Variants in SNX6 observed in about 807,000 individuals in gnomAD.
SNX6 encodes the protein sorting nexin-6.
SNX6 carries 34 observed loss-of-function variants against 63.0 expected under a neutral mutation model. The observed-to-expected ratio is 0.54, with a 90% CI of 0.41 to 0.72. SNX6 has a LOEUF of 0.72. Ranked by LOEUF, SNX6 falls within the 30% of genes least tolerant of loss-of-function variation. SNX6 has a pLI of 0.00. For missense variants in SNX6, 398 were observed against 471.4 expected (o/e 0.84, Z 1.44); for synonymous variants, 170 against 164.2 (o/e 1.04, Z -0.27).
intron 12 of SNX6, 31 bp from the exon 13 acceptor site, chr14:34,567,802 T>C (rs11156848): frequency 0.37 from 593,899 of 1,611,418 alleles, 115,432 homozygotes; most frequent in Non-Finnish European, 0.41. Context: ...TTATTTAATT[T>C]ACATAATAGT....
chr14:34,569,109 T>G (rs1191072733), intron 11 of SNX6: 1 of 933,196 alleles, frequency 1.1e-6, no homozygotes, highest in Non-Finnish European at 1.8e-6. Context: ...GGTTCACATC[T>G]TTTACAGTAA....
At chr14:34,624,272 T>C (rs1883739811) in intron 2 of SNX6, among the ~76,000 whole-genome samples, 2 of 152,226 alleles carry the variant, frequency 1.3e-5, no homozygotes, top group African/African-American at 2.4e-5. Flanking sequence ...GGCTAATTTT[T>C]GTATTTTTAG....
At chr14:34,606,685 C>G (rs1883033951) in intron 4 of SNX6, among the ~76,000 whole-genome samples, 1 of 152,088 alleles carries the variant, frequency 6.6e-6, no homozygotes, top group Non-Finnish European at 1.5e-5. Context: ...CTCCTGACCT[C>G]AGATGATCCA....
intron 13 of SNX6, among the ~76,000 whole-genome samples, chr14:34,565,593 G>A (rs1289005163): frequency 6.7e-6 from 1 of 149,520 alleles, no homozygotes; most frequent in African/African-American, 2.5e-5. Flanking sequence ...CTTGGCTCAC[G>A]GCAACCTCCG....
At chr14:34,582,134 T>TC (rs1881964650) in intron 9 of SNX6, among the ~76,000 whole-genome samples, 1 of 148,068 alleles carries the variant, frequency 6.8e-6, no homozygotes, top group Non-Finnish European at 1.5e-5. Flanking sequence ...GCCCTGATTT[T>TC]TTTTTTTTTT....
chr14:34,608,150 T>C lies in SNX6; in HGVS notation c.160-10A>G, dbSNP rs546295977. 1.2e-5 allele frequency: 18 copies of C among 1,486,500 alleles called. 1 individual carries two copies. Among genetic ancestry groups the C allele is most frequent in the East Asian group, 1.1e-4 (5 of 43,706 alleles). The allele number at this position is 1,486,500 out of a possible 1,614,324, so 92.1% of individuals were successfully genotyped here. ...AATTTGGCAATGAACTCTGTAAAGATAGAGATTTTCTTGAATAAAAATCAA... is the reference window on the plus strand; with the variant it reads ...AATTTGGCAATGAACTCTGTAAAGACAGAGATTTTCTTGAATAAAAATCAA... On this transcript the variant is annotated splice_polypyrimidine_tract_variant and intron_variant, in intron 3 of 13. Transcript: ENST00000362031.
intron 2 of SNX6, among the ~76,000 whole-genome samples, chr14:34,613,454 T>C (rs143437545): frequency 2.9e-4 from 44 of 152,324 alleles, no homozygotes; most frequent in African/African-American, 9.6e-4. Context: ...TAGTCTAGCA[T>C]TTCCAAAACA....
chr14:34,570,029 C>T (rs12884997), intron 11 of SNX6, among the ~76,000 whole-genome samples: 57,136 of 151,784 alleles, frequency 0.38, 12,576 homozygotes, highest in East Asian at 0.74. Flanking sequence ...TTGTCACTCA[C>T]ATCCTTGCCA....
At chr14:34,581,905 T>C (rs1314051052) in intron 9 of SNX6, among the ~76,000 whole-genome samples, 6 of 152,136 alleles carry the variant, frequency 3.9e-5, no homozygotes, top group Non-Finnish European at 8.8e-5. Flanking sequence ...CTCAGCTCAC[T>C]GTAACCTCTG....
Position 34,567,861 on chromosome 14 carries a change from T to C in SNX6, c.1074A>G (p.Ala358=), listed in dbSNP as rs1269575239. The change falls in exon 12 of 14, where the codon GCA becomes GCG. Residue 358 remains alanine, a synonymous_variant. Coordinates refer to ENST00000362031, the MANE Select transcript of SNX6 (RefSeq NM_152233.4). ...AGGTTAACGTAACAGTACCTTGTTT[T>C]GCAGACTCAGATATTTTTTCAAATT... ...CQKFEKISES[A]KQELIDFKTR... is the part of the protein sequence containing the mutation. 6.2e-6 allele frequency: 10 copies of C among 1,613,978 alleles called. No homozygotes were observed. The highest frequency in any genetic ancestry group is 8.5e-6 in the Non-Finnish European group (10 of 1,180,030).
rs1206756828 is a variant in SNX6 at position 34,629,958 on chromosome 14, T to TG, written c.7-5dup. On this transcript the variant is annotated splice_polypyrimidine_tract_variant and splice_region_variant and intron_variant, in intron 1 of 13. Transcript: ENST00000362031. ...CCGGGCCGTCGTCCAGGCCTTCCTG[T>TG]GGGGTCGGCGGGCACGGCGCGCCGG... 6.5e-7 allele frequency: 1 copy of TG among 1,539,730 alleles called. No homozygotes were observed. Among genetic ancestry groups the TG allele is most frequent in the African/African-American group, 1.4e-5 (1 of 72,082 alleles).
intron 13 of SNX6, 43 bp from the exon 14 acceptor site, chr14:34,563,218 C>G: frequency 1.9e-6 from 3 of 1,561,806 alleles, no homozygotes; most frequent in South Asian, 2.2e-5. Context: ...TTATTTCAAA[C>G]AATTCAGAAG....
chr14:34,601,013 CAAA>C (rs1264761564), intron 6 of SNX6, among the ~76,000 whole-genome samples: 3 of 121,178 alleles, frequency 2.5e-5, no homozygotes, highest in South Asian at 2.6e-4. Flanking sequence ...GACTCTGCCT[CAAA>C]AAAAAAAAAA....
At chr14:34,596,255 C>T (rs1882593552) in intron 7 of SNX6, among the ~76,000 whole-genome samples, 1 of 151,042 alleles carries the variant, frequency 6.6e-6, no homozygotes, top group African/African-American at 2.4e-5. Flanking sequence ...TAGGTGTTTT[C>T]CACACATATT....
chr14:34,574,152 AT>A, intron 11 of SNX6, among the ~76,000 whole-genome samples: 1 of 150,848 alleles, frequency 6.6e-6, no homozygotes, highest in African/African-American at 2.4e-5. Flanking sequence ...CCTGGCCAAT[AT>A]GGTGAAACTC....
intron 10 of SNX6, among the ~76,000 whole-genome samples, chr14:34,580,529 G>A (rs952332863): frequency 6.6e-6 from 1 of 152,002 alleles, no homozygotes; most frequent in Non-Finnish European, 1.5e-5. Context: ...TCGAACTCCT[G>A]GCCTCTACTG....
At chr14:34,604,124 G>C (rs1209059078) in intron 5 of SNX6, 5 of 1,262,360 alleles carry the variant, frequency 4.0e-6, no homozygotes, top group Non-Finnish European at 5.1e-6. Context: ...AGAAGGATAA[G>C]TTTTACATAC....
At chr14:34,590,741 C>G (rs116663812) in intron 8 of SNX6, among the ~76,000 whole-genome samples, 2 of 152,172 alleles carry the variant, frequency 1.3e-5, no homozygotes, top group African/African-American at 4.8e-5. Flanking sequence ...ATGACTCAGG[C>G]ATTCTACTTC....
intron 4 of SNX6, among the ~76,000 whole-genome samples, chr14:34,607,029 C>G (rs1186585423): frequency 6.6e-6 from 1 of 152,044 alleles, no homozygotes; most frequent in Non-Finnish European, 1.5e-5. Flanking sequence ...CCACCCGCCT[C>G]GGCCTCCCAA....
Sources: gnomAD v4.1 joint callset for allele counts (sites outside exome capture counted in the v4.1 genomes callset) on GRCh38, gnomAD v4.1.1 for gene constraint, MANE v1.5 for transcripts, NCBI Gene and HGNC (gene_info 2026-07-23, HGNC 2026-07-21) for gene names.